LUZP2: variants seen among roughly 807,000 people sequenced by gnomAD.
The protein encoded by LUZP2 is leucine zipper protein 2.
In LUZP2, 52 loss-of-function variants were observed where a neutral mutation model predicts 51.6. The ratio of observed to expected loss-of-function variants is 1.01; its 90% CI spans 0.81 to 1.27. The LOEUF (loss-of-function observed/expected upper bound fraction) is 1.27, where lower values mean the gene tolerates loss of function less well. Ranked by LOEUF, LUZP2 falls within the 50% of genes most tolerant of loss-of-function variation. The probability of loss-of-function intolerance (pLI) is 0.00; values close to 1 mark genes in which losing one functional copy is unlikely to be tolerated. For missense variants in LUZP2, 436 were observed against 395.4 expected, an observed-to-expected ratio of 1.10 and a Z score of -0.87; for synonymous variants, 154 against 137.3, an observed-to-expected ratio of 1.12 and a Z score of -0.85.
chr11:25,078,219 T>C (rs1457888464), intron 11 of LUZP2, among the ~76,000 whole-genome samples: 7 of 152,240 alleles, frequency 4.6e-5, no homozygotes, highest in African/African-American at 1.4e-4. Flanking sequence ...ATTGACATTC[T>C]TAATATTTAT....
chr11:24,783,281 A>G (rs2134078419), intron 5 of LUZP2, among the ~76,000 whole-genome samples: 1 of 152,016 alleles, frequency 6.6e-6, no homozygotes, highest in African/African-American at 2.4e-5. Flanking sequence ...TCTTTTCTAG[A>G]TAAGATTATG....
intron 1 of LUZP2, among the ~76,000 whole-genome samples, chr11:24,517,215 A>G (rs1850492990): frequency 6.6e-6 from 1 of 152,022 alleles, no homozygotes; most frequent in Non-Finnish European, 1.5e-5. Flanking sequence ...GCCGGGCACG[A>G]TGGTTCACGC....
At chr11:25,016,740 T>C (rs941704824) in intron 9 of LUZP2, among the ~76,000 whole-genome samples, 1 of 152,188 alleles carries the variant, frequency 6.6e-6, no homozygotes, top group African/African-American at 2.4e-5. Flanking sequence ...AACGTACATA[T>C]GCATGTGTCT....
chr11:24,643,254 CA>C (rs570616833), intron 1 of LUZP2, among the ~76,000 whole-genome samples: 1,356 of 75,692 alleles, frequency 0.018, 8 homozygotes, highest in East Asian at 0.072. Context: ...ACTAAAAGTA[CA>C]AAAAAAAAAA....
intron 10 of LUZP2, among the ~76,000 whole-genome samples, chr11:25,058,908 T>C (rs1382141083): frequency 6.6e-6 from 1 of 152,202 alleles, no homozygotes; most frequent in African/African-American, 2.4e-5. Flanking sequence ...GAAAAATCAA[T>C]TTCCTGCATA....
intron 6 of LUZP2, among the ~76,000 whole-genome samples, chr11:24,910,570 C>T (rs576344002): frequency 9.2e-5 from 14 of 152,316 alleles, no homozygotes; most frequent in African/African-American, 3.4e-4. Context: ...GTGCAAGCAC[C>T]AAGCCTTGGT....
chr11:24,894,301 A>C (rs547828424), intron 5 of LUZP2, among the ~76,000 whole-genome samples: 26 of 151,336 alleles, frequency 1.7e-4, no homozygotes, highest in Middle Eastern at 3.4e-3. Context: ...CAGCCTCCGG[A>C]GTAGCTGGGC....
intron 5 of LUZP2, among the ~76,000 whole-genome samples, chr11:24,848,594 G>A (rs1008349436): frequency 1.3e-5 from 2 of 151,996 alleles, no homozygotes; most frequent in African/African-American, 4.8e-5. Context: ...TTGCTTTGCT[G>A]CATTTTTGCC....
intron 1 of LUZP2, among the ~76,000 whole-genome samples, chr11:24,630,767 G>A (rs1014502975): frequency 1.3e-4 from 19 of 150,076 alleles, no homozygotes; most frequent in Non-Finnish European, 4.4e-5. Flanking sequence ...AGTTTGCACC[G>A]AATCTGTAGA....
chr11:24,600,215 A>ACG (rs1201570679), intron 1 of LUZP2, among the ~76,000 whole-genome samples: 2,333 of 145,534 alleles, frequency 0.016, 27 homozygotes, highest in South Asian at 0.022. Flanking sequence ...ACACACACAC[A>ACG]CACGCACAAT....
intron 1 of LUZP2, among the ~76,000 whole-genome samples, chr11:24,715,563 T>C (rs1399493861): frequency 6.6e-6 from 1 of 152,160 alleles, no homozygotes; most frequent in Non-Finnish European, 1.5e-5. Flanking sequence ...TTACTTATAT[T>C]GTCACCTGTG....
chr11:24,681,272 C>T (rs1475018990), intron 1 of LUZP2, among the ~76,000 whole-genome samples: 6 of 152,184 alleles, frequency 3.9e-5, no homozygotes, highest in African/African-American at 9.6e-5. Context: ...TGAGCCACCG[C>T]GCCCGGCCTA....
At chr11:24,934,621 G>A (rs1854541657) in intron 7 of LUZP2, among the ~76,000 whole-genome samples, 1 of 151,774 alleles carries the variant, frequency 6.6e-6, no homozygotes. Context: ...AAAATGTTGT[G>A]ACATATTACA....
At chr11:24,574,097 C>A (rs1003832096) in intron 1 of LUZP2, among the ~76,000 whole-genome samples, 2 of 151,048 alleles carry the variant, frequency 1.3e-5, no homozygotes, top group Non-Finnish European at 1.5e-5. Flanking sequence ...TCCTTCCTCC[C>A]TCCTTTGTTT....
chr11:24,522,085 G>T (rs1163769614), intron 1 of LUZP2, among the ~76,000 whole-genome samples: 2 of 152,124 alleles, frequency 1.3e-5, no homozygotes, highest in East Asian at 3.9e-4. Flanking sequence ...TTCGTAGGAG[G>T]ATATACTGAG....
At chr11:24,615,452 C>A (rs1272749187) in intron 1 of LUZP2, among the ~76,000 whole-genome samples, 1 of 151,972 alleles carries the variant, frequency 6.6e-6, no homozygotes, top group Non-Finnish European at 1.5e-5. Context: ...CAGTGTAATT[C>A]TCTGGAGACT....
intron 7 of LUZP2, among the ~76,000 whole-genome samples, chr11:24,930,126 G>C (rs1056390612): frequency 6.6e-6 from 1 of 152,122 alleles, no homozygotes; most frequent in African/African-American, 2.4e-5. Flanking sequence ...GAGTCTTTTT[G>C]TGTTGGGTGA....
At chr11:24,948,691 C>T (rs564563707) in intron 7 of LUZP2, among the ~76,000 whole-genome samples, 3 of 151,782 alleles carry the variant, frequency 2.0e-5, no homozygotes, top group South Asian at 2.1e-4. Flanking sequence ...GTGAACCCAC[C>T]GCTTATAAAA....
Position 24,748,768 on chromosome 11 carries a change from A to T in LUZP2, c.333+10466A>T, listed in dbSNP as rs76747562. Among the ~76,000 whole-genome samples the T allele has an allele frequency of 8.4e-4, 128 of 152,240 alleles. 1 individual carries two copies. The East Asian group carries it at 0.021, about 24-fold the overall frequency. On this transcript the variant is annotated intron_variant, in intron 4 of 11. Coordinates refer to ENST00000336930, the MANE Select transcript of LUZP2 (RefSeq NM_001009909.4). ...CACTGCACCCAGCTGACTTCAAAAA[A>T]TAATTTAAAAATCACATATCAGTAT...
Sources: allele counts gnomAD v4.1 joint callset (sites outside exome capture counted in the v4.1 genomes callset), GRCh38; gene constraint gnomAD v4.1.1; transcripts MANE v1.5; gene names NCBI Gene and HGNC (gene_info 2026-07-23, HGNC 2026-07-21).